The following RGS9 variants were observed in gnomAD, a reference collection of about 807,000 sequenced individuals.
RGS9 encodes the protein regulator of G-protein signalling 9.
RGS9 carries 78 observed loss-of-function variants against 102.0 expected under a neutral mutation model. The observed-to-expected ratio is 0.76, with a 90% confidence interval of 0.64 to 0.92. The LOEUF (loss-of-function observed/expected upper bound fraction) is 0.92. Among genes scored for constraint, RGS9 ranks in the 40% least tolerant of loss-of-function variants. The probability of loss-of-function intolerance (pLI) is 0.00; values close to 1 mark genes in which losing one functional copy is unlikely to be tolerated. For synonymous variants in RGS9, 353 were observed against 318.6 expected, an observed-to-expected ratio of 1.11 and a Z score of -1.15; for missense variants, 833 against 866.1, an observed-to-expected ratio of 0.96 and a Z score of 0.48.
At chr17:65,163,921 A>G (rs1300514808) in intron 7 of RGS9, among the ~76,000 whole-genome samples, 1 of 152,232 alleles carries the variant, frequency 6.6e-6, no homozygotes, top group East Asian at 1.9e-4. Flanking sequence ...ATAGGGAGCC[A>G]TAGAATGATG....
At chr17:65,218,264 G>A (rs1288421215) in intron 17 of RGS9, among the ~76,000 whole-genome samples, 1 of 152,222 alleles carries the variant, frequency 6.6e-6, no homozygotes, top group Non-Finnish European at 1.5e-5. Context: ...GGATGGCCAC[G>A]GGAAAGAGGG....
rs530018620 is a variant in RGS9 at position 65,173,993 on chromosome 17, G to C, written c.583-3739G>C. Among the ~76,000 whole-genome samples the C allele has an allele frequency of 2.2e-4, 34 of 152,332 alleles. No homozygotes were observed. The highest frequency in any genetic ancestry group is 7.9e-4 in the African/African-American group (33 of 41,570). ...GGCTGCTGCCCACAGAGGTGCAAGA[G>C]CCGAGGCAGCAGTGGCCAGAGGACT... On this transcript the variant is annotated intron_variant, in intron 8 of 18. Coordinates refer to ENST00000262406, the MANE Select transcript of RGS9 (RefSeq NM_003835.4). This position sits in a 1 kb window ranked among gnomAD's most constrained non-coding sequence, Gnocchi z 4.8.
chr17:65,216,902 G>A (rs1913542942), intron 17 of RGS9, among the ~76,000 whole-genome samples: 1 of 152,200 alleles, frequency 6.6e-6, no homozygotes, highest in Non-Finnish European at 1.5e-5. Context: ...AGGAAGGGGA[G>A]TAATTTTAGA....
At chr17:65,177,884 T>C in intron 9 of RGS9, 81 bp downstream of exon 9, 3 of 1,082,710 alleles carry the variant, frequency 2.8e-6, no homozygotes. Flanking sequence ...TATTCGTGTC[T>C]GTTAGGGCAA....
chr17:65,168,897 A>G (rs1911302448), intron 8 of RGS9, among the ~76,000 whole-genome samples: 1 of 152,174 alleles, frequency 6.6e-6, no homozygotes, highest in South Asian at 2.1e-4. Context: ...GGGAAATGGT[A>G]GCCTCATTCC....
intron 15 of RGS9, 91 bp downstream of exon 15, chr17:65,204,392 A>G (rs1567887938): frequency 6.8e-7 from 1 of 1,460,620 alleles, no homozygotes; most frequent in East Asian, 2.5e-5. Context: ...AAAAAGAGAG[A>G]GGATACGTGG....
chr17:65,187,561 C>T (rs1229484303), intron 9 of RGS9, among the ~76,000 whole-genome samples: 1 of 152,204 alleles, frequency 6.6e-6, no homozygotes, highest in Non-Finnish European at 1.5e-5. Flanking sequence ...TCCTTTACTC[C>T]TTTTCAATGG....
At position 65,137,597 on chromosome 17, in the gene RGS9, G is replaced by C. The variant is rs765953068; in HGVS notation, c.57G>C (p.Lys19Asn). ...GGCCGAGGATGGCATTTCTCCAAAA[G>C]GTAACCCTGGCCCCTCACCTGGACC... ...QYRPRMAFLQ[K>N]IEALVKDMQN... The change falls in exon 1 of 19, where the codon AAG (lysine) becomes AAC (asparagine). Residue 19 changes from lysine (K) to asparagine (N), a missense_variant and splice_region_variant. This residue lies in a region of RGS9 where 328 missense variants were observed against 340.6 expected (regional missense o/e 0.96). Transcript: ENST00000262406. 2 of 1,613,662 alleles carry C rather than the reference G, an allele frequency of 1.2e-6. No homozygotes were observed.
intron 13 of RGS9, among the ~76,000 whole-genome samples, chr17:65,200,754 A>AT (rs201250180): frequency 5.9e-4 from 89 of 151,756 alleles, no homozygotes; most frequent in Admixed American, 1.7e-3. Context: ...TTATAGGTGG[A>AT]TTTTTTTTTC....
chr17:65,157,790 G>A (rs1419868262), intron 2 of RGS9, among the ~76,000 whole-genome samples: 1 of 152,128 alleles, frequency 6.6e-6, no homozygotes, highest in Non-Finnish European at 1.5e-5. Context: ...GGGAACTTGG[G>A]GAGTTGGAGA....
intron 9 of RGS9, among the ~76,000 whole-genome samples, chr17:65,183,747 C>T (rs76078024): frequency 6.6e-6 from 1 of 152,160 alleles, no homozygotes; most frequent in African/African-American, 2.4e-5. Flanking sequence ...CTTGGCCCCC[C>T]ACCTGAGTTT....
chr17:65,183,012 A>G (rs1322966554), intron 9 of RGS9, among the ~76,000 whole-genome samples: 3 of 151,176 alleles, frequency 2.0e-5, no homozygotes, highest in Non-Finnish European at 2.9e-5. Flanking sequence ...CATGATCGCA[A>G]TCTTAAATCC....
intron 1 of RGS9, among the ~76,000 whole-genome samples, chr17:65,151,586 C>T (rs1598561598): frequency 6.6e-6 from 1 of 152,184 alleles, no homozygotes; most frequent in East Asian, 1.9e-4. Flanking sequence ...GAACCTGGGG[C>T]AGTCATTTCC....
At chr17:65,174,677 C>G (rs575765154) in intron 8 of RGS9, among the ~76,000 whole-genome samples, 3 of 151,460 alleles carry the variant, frequency 2.0e-5, no homozygotes, top group Admixed American at 6.6e-5. Flanking sequence ...TATGTGTGAG[C>G]ATGCATATGT....
chr17:65,172,793 G>A (rs1005204393), intron 8 of RGS9, among the ~76,000 whole-genome samples: 1 of 152,160 alleles, frequency 6.6e-6, no homozygotes, highest in Non-Finnish European at 1.5e-5. Flanking sequence ...TTGGGGGTCA[G>A]GGAACACAGG....
At chr17:65,195,613 A>G (rs9898825) in intron 12 of RGS9, among the ~76,000 whole-genome samples, 21,918 of 152,086 alleles carry the variant, frequency 0.14, 2,882 homozygotes, top group African/African-American at 0.35. Flanking sequence ...CGTGTCATTC[A>G]TAAGCCTTTG....
chr17:65,160,859 C>A lies in RGS9; in HGVS notation c.373C>A (p.Leu125Met). 1 of 1,613,942 alleles carries A rather than the reference C, an allele frequency of 6.2e-7. No homozygotes were observed. The highest frequency in any genetic ancestry group is 8.5e-7 in the Non-Finnish European group (1 of 1,179,828). ...PAEDTDYAIY[L>M]AKRNIKKKGI... is the part of the protein sequence containing the mutation. ...ATTGCTTTCTTTTCCAGCCATCTAT[C>A]TGGCCAAGCGAAATATCAAAAAGAA... Residue 125 changes from leucine to methionine, a missense_variant, in exon 6 of 19, where the codon CTG (leucine) becomes ATG (methionine). By Grantham distance (15) the Leu-to-Met change is conservative (BLOSUM62 2). Transcript: ENST00000262406.
At chr17:65,177,646 A>G in intron 8 of RGS9, 86 bp from the exon 9 acceptor site, 3 of 1,294,596 alleles carry the variant, frequency 2.3e-6, no homozygotes, top group Admixed American at 3.4e-5. Context: ...TCAATCTCAC[A>G]ATTGGCAGAT....
At chr17:65,197,104 C>A (rs774669784) in intron 12 of RGS9, 22 bp from the exon 13 acceptor site, 9 of 1,568,494 alleles carry the variant, frequency 5.7e-6, no homozygotes, top group Non-Finnish European at 6.1e-6. Context: ...CTCTCTGGTG[C>A]ATTTACAAAT....
Sources: allele counts gnomAD v4.1 joint callset (sites outside exome capture counted in the v4.1 genomes callset), GRCh38; gene constraint gnomAD v4.1.1; regional missense constraint gnomAD v4.1.1; non-coding constraint Gnocchi (gnomAD v3.1); transcripts MANE v1.5; gene names NCBI Gene and HGNC (gene_info 2026-07-23, HGNC 2026-07-21).